Variants in FDFT1 observed in about 807,000 individuals in gnomAD.
The protein encoded by FDFT1 is squalene synthase.
A neutral mutation model predicts 46.8 loss-of-function variants in FDFT1; 68 were observed. The observed-to-expected ratio is 1.45, with a 90% confidence interval of 1.19 to 1.78. The LOEUF (loss-of-function observed/expected upper bound fraction) is 1.78, where lower values mean the gene tolerates loss of function less well. Ranked by LOEUF, FDFT1 falls within the 40% of genes most tolerant of loss-of-function variation. The pLI, the probability that FDFT1 is intolerant of heterozygous loss-of-function variation, is 0.00. For synonymous variants in FDFT1, 351 were observed against 185.1 expected (o/e 1.90, Z -7.28); for missense variants, 928 against 524.4 (o/e 1.77, Z -7.52).
rs549235975 is a variant in FDFT1 at position 11,825,938 on chromosome 8, C to G, written c.511-86C>G. The G allele has an allele frequency of 2.0e-4, 181 of 883,314 alleles. 1 individual carries two copies. In the African/African-American group the frequency reaches 2.4e-3, roughly 12 times the overall value. The allele number at this position is 883,314 out of a possible 1,614,324, so 54.7% of individuals were successfully genotyped here. On this transcript the variant is annotated intron_variant, in intron 4 of 7. Coordinates refer to ENST00000220584, the MANE Select transcript of FDFT1 (RefSeq NM_004462.5). The stretch of plus-strand genomic sequence containing the variant: ...CATTCTTACCCATTCTCTTTTGAAC[C>G]TGCTTTTTTGTAGCTAATGATCTCT...
chr8:11,803,283 G>A (rs895763510), intron 1 of FDFT1: 29 of 1,324,986 alleles, frequency 2.2e-5, no homozygotes, highest in Middle Eastern at 2.0e-4. Flanking sequence ...CGCGGGAGAG[G>A]ACGAGTGAGT....
Position 11,830,188 on chromosome 8 carries a change from G to C in FDFT1, c.703-56G>C, listed in dbSNP as rs1029792449. The C allele has an allele frequency of 5.1e-6, 7 of 1,381,638 alleles. No individual in the cohort carries two copies. The Admixed American group carries it at 1.0e-4, about 20-fold the overall frequency. The allele number at this position is 1,381,638 out of a possible 1,614,324, so 85.6% of individuals were successfully genotyped here. On this transcript the variant is annotated intron_variant, in intron 5 of 7. Coordinates refer to ENST00000220584, the MANE Select transcript of FDFT1 (RefSeq NM_004462.5). ...GCACAAAGACCCTTTAATATTGTTT[G>C]TAAATTCTCCCCTATGCACACGCTG...
At chr8:11,817,952 T>A (rs933761658) in intron 3 of FDFT1, among the ~76,000 whole-genome samples, 10 of 152,338 alleles carry the variant, frequency 6.6e-5, no homozygotes, top group South Asian at 4.1e-4. Flanking sequence ...ATTGTGATGT[T>A]AAGGTGTTGT....
At chr8:11,818,387 C>A (rs981092536) in intron 3 of FDFT1, among the ~76,000 whole-genome samples, 6 of 152,154 alleles carry the variant, frequency 3.9e-5, no homozygotes, top group African/African-American at 1.4e-4. Context: ...CTGCTTGGTC[C>A]AGAGCTGAGT....
At chr8:11,824,500 G>A (rs756646594) in intron 4 of FDFT1, among the ~76,000 whole-genome samples, 15 of 152,068 alleles carry the variant, frequency 9.9e-5, no homozygotes, top group Non-Finnish European at 2.1e-4. Flanking sequence ...CCACAGACAC[G>A]GCAGCCCCTT....
At chr8:11,817,420 G>A (rs538180036) in intron 3 of FDFT1, among the ~76,000 whole-genome samples, 1 of 151,876 alleles carries the variant, frequency 6.6e-6, no homozygotes, top group African/African-American at 2.4e-5. Context: ...TTTTCTATTG[G>A]AATAGTTTCA....
intron 3 of FDFT1, among the ~76,000 whole-genome samples, chr8:11,813,634 G>C (rs1404922485): frequency 6.6e-6 from 1 of 152,164 alleles, no homozygotes; most frequent in Non-Finnish European, 1.5e-5. Flanking sequence ...TCTAATCAGA[G>C]GAATTTGTAT....
intron 1 of FDFT1, among the ~76,000 whole-genome samples, chr8:11,805,543 C>T (rs1017703671): frequency 1.3e-5 from 2 of 152,122 alleles, no homozygotes; most frequent in African/African-American, 4.8e-5. Flanking sequence ...AGGTGAACAA[C>T]CTTGGTAACT....
At chr8:11,800,856 C>G (rs915371140), upstream of FDFT1, among the ~76,000 whole-genome samples, 1 of 152,180 alleles carries the variant, frequency 6.6e-6, no homozygotes, top group Non-Finnish European at 1.5e-5. Flanking sequence ...TGGCTGGAAA[C>G]TAAGTTTTTA....
chr8:11,836,195 C>A (rs1811517429), intron 7 of FDFT1, among the ~76,000 whole-genome samples: 1 of 151,882 alleles, frequency 6.6e-6, no homozygotes, highest in African/African-American at 2.4e-5. Context: ...CCATTACTTA[C>A]CTGAGAAACT....
chr8:11,803,081 C>T, intron 1 of FDFT1, 150 bp downstream of exon 1: 5 of 1,442,184 alleles, frequency 3.5e-6, no homozygotes, highest in Non-Finnish European at 3.6e-6. Flanking sequence ...CTCGAGCCTT[C>T]CCCCTGTAGG....
chr8:11,800,499 TAGA>T (rs1332855188), upstream of FDFT1, among the ~76,000 whole-genome samples: 2 of 152,008 alleles, frequency 1.3e-5, no homozygotes, highest in African/African-American at 4.8e-5. Context: ...GCTAGCAACT[TAGA>T]AGTTTTTAAA....
rs141620951 is a variant in FDFT1 at position 11,812,678 on chromosome 8, A to G, written c.381+2828A>G. Among the ~76,000 whole-genome samples, 435 of 152,298 alleles carry G rather than the reference A, an allele frequency of 2.9e-3. 4 individuals are homozygous for G. The highest frequency in any genetic ancestry group is 0.01 in the African/African-American group (423 of 41,560). On this transcript the variant is annotated intron_variant, in intron 3 of 7. Transcript: ENST00000220584. Reference sequence around the variant, plus strand: ...CATTTTTAAATTTTTAGCTACATATAGTATGTGGGCCTCCATTTGTCCTCT... The same window carrying G: ...CATTTTTAAATTTTTAGCTACATATGGTATGTGGGCCTCCATTTGTCCTCT...
intron 3 of FDFT1, among the ~76,000 whole-genome samples, chr8:11,810,284 C>T (rs1807521052): frequency 6.6e-6 from 1 of 152,204 alleles, no homozygotes; most frequent in Non-Finnish European, 1.5e-5. Context: ...CTCACAAAAG[C>T]CTGCCGACTG....
At chr8:11,804,085 T>A (rs1806488603) in intron 1 of FDFT1, among the ~76,000 whole-genome samples, 1 of 152,256 alleles carries the variant, frequency 6.6e-6, no homozygotes, top group Non-Finnish European at 1.5e-5. Context: ...TTCTAGGTGC[T>A]GGAGGTACAA....
chr8:11,824,530 C>T (rs754216430), intron 4 of FDFT1, among the ~76,000 whole-genome samples: 19 of 152,084 alleles, frequency 1.2e-4, no homozygotes, highest in Non-Finnish European at 1.3e-4. Flanking sequence ...TGGGTTCAAG[C>T]GAGCCTCCTA....
chr8:11,808,706 C>A (rs1171337467), intron 1 of FDFT1, 88 bp from the exon 2 acceptor site: 1 of 1,454,392 alleles, frequency 6.9e-7, no homozygotes. Flanking sequence ...GCCGCCTGCC[C>A]CAGTCCCACT....
At chr8:11,829,972 T>C (rs889054586) in intron 5 of FDFT1, among the ~76,000 whole-genome samples, 1 of 152,028 alleles carries the variant, frequency 6.6e-6, no homozygotes, top group African/African-American at 2.4e-5. Flanking sequence ...CTCACCCTCC[T>C]GAGTAGCTGG....
chr8:11,818,755 GT>G (rs1452082466), intron 3 of FDFT1, among the ~76,000 whole-genome samples: 2 of 151,934 alleles, frequency 1.3e-5, no homozygotes. Flanking sequence ...ATCTCTGCAC[GT>G]GAGACGGGTC....
Sources: allele counts gnomAD v4.1 joint callset (sites outside exome capture counted in the v4.1 genomes callset), GRCh38; gene constraint gnomAD v4.1.1; transcripts MANE v1.5; gene names NCBI Gene and HGNC (gene_info 2026-07-23, HGNC 2026-07-21).